NRP1: variants seen among roughly 807,000 people sequenced by gnomAD.
The protein encoded by NRP1 is neuropilin-1.
Under a neutral mutation model 106.7 loss-of-function variants are expected in NRP1, and 35 were observed. The ratio of observed to expected loss-of-function variants is 0.33; its 90% CI spans 0.25 to 0.43. The LOEUF is 0.43. NRP1 is among the 20% of genes least tolerant of loss of function. NRP1 has a pLI of 1.00. For missense variants in NRP1, 1,024 were observed against 1,170.4 expected (o/e 0.87, Z 1.83); for synonymous variants, 437 against 417.9 (o/e 1.05, Z -0.56).
chr10:33,258,248 GAAAA>G (rs2133205476), intron 4 of NRP1, among the ~76,000 whole-genome samples: 1 of 151,886 alleles, frequency 6.6e-6, no homozygotes, highest in South Asian at 2.1e-4. Context: ...CTTTAAAAAA[GAAAA>G]AAGAAAAAAC....
At chr10:33,265,084 T>C (rs909553992) in intron 3 of NRP1, among the ~76,000 whole-genome samples, 4 of 151,988 alleles carry the variant, frequency 2.6e-5, no homozygotes, top group Admixed American at 6.6e-5. Flanking sequence ...CACTCCAGCC[T>C]GGGTGACAGA....
chr10:33,205,733 G>A (rs1837719330), intron 10 of NRP1: 1 of 156,948 alleles, frequency 6.4e-6, no homozygotes, highest in African/African-American at 2.4e-5. Context: ...CTGAAGCACT[G>A]ATCTCAGGTT....
intron 2 of NRP1, among the ~76,000 whole-genome samples, chr10:33,294,276 C>G (rs1289575594): frequency 6.6e-6 from 1 of 152,158 alleles, no homozygotes; most frequent in Non-Finnish European, 1.5e-5. Flanking sequence ...AAATGTGCAT[C>G]ACTGTTCTTC....
rs1297996474 is a variant in NRP1 at position 33,238,548 on chromosome 10, T to C, written c.982-12259A>G. ...ACAGTGAGGGAAAGAGTCAAGTAAA[T>C]AGTAAATCACAATACAGAGTGAACA... On this transcript the variant is annotated intron_variant, in intron 6 of 16. Transcript: ENST00000374867. Among the ~76,000 whole-genome samples the C allele has an allele frequency of 3.3e-5, 5 of 151,880 alleles. 1 individual carries two copies. Among genetic ancestry groups the C allele is most frequent in the Non-Finnish European group, 1.5e-5 (1 of 67,958 alleles).
In NRP1 at chr10:33,192,449, C is replaced by G. The variant is rs375951996; in HGVS notation, c.1925-31G>C. 1.9e-6 allele frequency: 3 copies of G among 1,609,522 alleles called. No homozygotes were observed. The African/African-American group carries it at 4.0e-5, about 22-fold the overall frequency. Reference sequence around the variant, plus strand: ...GTGGGTGGGAAGTAAAAATAAGAGACAAGCAAAGAAAGGCAAATTTGATCA... The same window carrying G: ...GTGGGTGGGAAGTAAAAATAAGAGAGAAGCAAAGAAAGGCAAATTTGATCA... On this transcript the variant is annotated intron_variant, in intron 12 of 16. Transcript: ENST00000374867.
chr10:33,285,813 A>T (rs1844484254), intron 2 of NRP1, among the ~76,000 whole-genome samples: 1 of 151,124 alleles, frequency 6.6e-6, no homozygotes, highest in Non-Finnish European at 1.5e-5. Context: ...AGCCTGGGGG[A>T]GGGAGCGAGA....
At chr10:33,226,072 A>G in intron 7 of NRP1, 62 bp downstream of exon 7, 1 of 1,552,992 alleles carries the variant, frequency 6.4e-7, no homozygotes, top group Non-Finnish European at 8.9e-7. Context: ...CAAACAAACA[A>G]GTAAAAATTG....
intron 6 of NRP1, among the ~76,000 whole-genome samples, chr10:33,250,913 G>A (rs975207448): frequency 3.3e-5 from 5 of 152,168 alleles, no homozygotes; most frequent in African/African-American, 1.2e-4. Context: ...CCCCTCAGAA[G>A]TTAAGTGTGG....
chr10:33,293,578 G>C (rs1285735087), intron 2 of NRP1, among the ~76,000 whole-genome samples: 1 of 152,114 alleles, frequency 6.6e-6, no homozygotes, highest in Admixed American at 6.6e-5. Flanking sequence ...AAGGTCACAC[G>C]ACCAACCGTC....
rs1836887813 is a variant in NRP1, at chr10:33,197,717, A to T, written c.1865-8T>A. 6.4e-7 allele frequency: 1 copy of T among 1,574,308 alleles called. No individual in the cohort carries two copies. Reference sequence around the variant, plus strand: ...CCAGCACAGTGGTGCCACCTGAAAAACAAAAACAGGAACATGCAAAAATAA... The same window carrying T: ...CCAGCACAGTGGTGCCACCTGAAAATCAAAAACAGGAACATGCAAAAATAA... On this transcript the variant is annotated splice_region_variant and splice_polypyrimidine_tract_variant and intron_variant, in intron 11 of 16. Transcript: ENST00000374867.
At chr10:33,229,815 A>AAT (rs1839962449) in intron 6 of NRP1, among the ~76,000 whole-genome samples, 4 of 152,190 alleles carry the variant, frequency 2.6e-5, no homozygotes, top group African/African-American at 9.6e-5. Context: ...TCATTAAAAA[A>AAT]GAAAGATTTT....
intron 12 of NRP1, among the ~76,000 whole-genome samples, chr10:33,193,557 G>A (rs1447639915): frequency 1.3e-5 from 2 of 152,162 alleles, no homozygotes; most frequent in East Asian, 1.9e-4. Context: ...ACAGGAAGGC[G>A]CCTGGGGCAT....
chr10:33,184,390 C>T (rs1219605571), intron 15 of NRP1, among the ~76,000 whole-genome samples: 1 of 152,156 alleles, frequency 6.6e-6, no homozygotes, highest in Non-Finnish European at 1.5e-5. Flanking sequence ...CTTGTTGAAC[C>T]GAATTGAATT....
Position 33,334,417 on chromosome 10 carries a change from G to A in NRP1, c.-35C>T. Reference sequence around the variant, plus strand: ...TCCGGGTCCGCAGGCAGACGCGGGAGAACGAGGACGTGGGGGGAAATGCAG... The same window carrying A: ...TCCGGGTCCGCAGGCAGACGCGGGAAAACGAGGACGTGGGGGGAAATGCAG... On this transcript the variant is annotated 5_prime_UTR_variant, in exon 1 of 17. Transcript: ENST00000374867. 1 of 1,522,436 alleles carries A rather than the reference G, an allele frequency of 6.6e-7. No homozygotes were observed. 94.3% of individuals were successfully genotyped at this position (1,522,436 alleles called of 1,614,324 possible).
chr10:33,304,416 G>T (rs969377779), intron 2 of NRP1, among the ~76,000 whole-genome samples: 10 of 152,154 alleles, frequency 6.6e-5, no homozygotes, highest in African/African-American at 2.4e-4. Flanking sequence ...AGTCAACCCT[G>T]TCCTGTTCTA....
chr10:33,245,713 C>T (rs560598868), intron 6 of NRP1, among the ~76,000 whole-genome samples: 1 of 152,278 alleles, frequency 6.6e-6, no homozygotes, highest in Admixed American at 6.5e-5. Flanking sequence ...CACTTAACCT[C>T]TGAATTTATG....
intron 13 of NRP1, among the ~76,000 whole-genome samples, chr10:33,191,273 C>G (rs999776304): frequency 2.6e-5 from 4 of 152,196 alleles, no homozygotes; most frequent in South Asian, 2.1e-4. Flanking sequence ...TGTCCCCCAA[C>G]CCATTCCTCC....
Position 33,334,440 on chromosome 10 carries a change from C to G in NRP1, c.-58G>C. 6.9e-7 allele frequency: 1 copy of G among 1,441,696 alleles called. No homozygotes were observed. 89.3% of individuals were successfully genotyped at this position (1,441,696 alleles called of 1,614,324 possible). A position where few individuals can be genotyped will look rare whatever the true frequency, so the allele number is the denominator to read the frequency against. ...GAGAACGAGGACGTGGGGGGAAATG[C>G]AGCAAAGAGGAGAATCTAAGCGATC... On this transcript the variant is annotated 5_prime_UTR_variant, in exon 1 of 17. Coordinates refer to ENST00000374867, the MANE Select transcript of NRP1 (RefSeq NM_003873.7).
At chr10:33,201,943 G>A (rs913163418) in intron 11 of NRP1, 1 of 152,124 alleles carries the variant, frequency 6.6e-6, no homozygotes, top group Non-Finnish European at 1.5e-5. Context: ...GAATGCATTA[G>A]CCAATAACAT....
Sources: gnomAD v4.1 joint callset for allele counts (sites outside exome capture counted in the v4.1 genomes callset) on GRCh38, gnomAD v4.1.1 for gene constraint, MANE v1.5 for transcripts, NCBI Gene and HGNC (gene_info 2026-07-23, HGNC 2026-07-21) for gene names.